DNAJC13: variants seen among roughly 807,000 people sequenced by gnomAD.
DNAJC13 encodes the protein dnaJ homolog subfamily C member 13.
In DNAJC13, 75 loss-of-function variants were observed where a neutral mutation model predicts 290.5. The ratio of observed to expected loss-of-function variants is 0.26; its 90% CI spans 0.21 to 0.31. The LOEUF is 0.31. Ranked by LOEUF, DNAJC13 falls within the 10% of genes least tolerant of loss-of-function variation. The pLI, the probability that DNAJC13 is intolerant of heterozygous loss-of-function variation, is 1.00. For missense variants in DNAJC13, 2,260 were observed against 2,674.5 expected, an observed-to-expected ratio of 0.85 and a Z score of 3.42; for synonymous variants, 862 against 892.0, an observed-to-expected ratio of 0.97 and a Z score of 0.60.
In DNAJC13 at chr3:132,507,339, A is replaced by G. The variant is rs774052007; in HGVS notation, c.5101A>G (p.Thr1701Ala). The G allele has an allele frequency of 3.8e-6, 6 of 1,591,722 alleles. No individual in the cohort carries two copies. The South Asian group carries it at 6.6e-5, about 18-fold the overall frequency. Residue 1701 changes from threonine to alanine, a missense_variant, in exon 43 of 56, where the codon ACT becomes GCT. Physicochemically the swap from Thr to Ala is moderately conservative, Grantham distance 58. Coordinates refer to ENST00000260818, the MANE Select transcript of DNAJC13 (RefSeq NM_015268.4). Reference protein sequence around the residue: ...IFVRVYNEVPTFQLEVPKAFA... With the variant: ...IFVRVYNEVPAFQLEVPKAFA... ...TGTTAGGGTGTATAATGAAGTTCCT[A>G]CTTTCCAACTGGAGGTAAGCTCTCT...
intron 1 of DNAJC13, among the ~76,000 whole-genome samples, chr3:132,421,640 A>G (rs1938962519): frequency 6.6e-6 from 1 of 150,774 alleles, no homozygotes; most frequent in Admixed American, 6.6e-5. Flanking sequence ...GAGTTTCACC[A>G]TGTTGCCCAG....
intron 30 of DNAJC13, 89 bp downstream of exon 30, chr3:132,488,541 C>A: frequency 7.9e-7 from 1 of 1,266,078 alleles, no homozygotes; most frequent in South Asian, 1.8e-5. Context: ...TACCTTATTG[C>A]TTTTATTAAA....
chr3:132,432,295 C>T (rs764010326), intron 1 of DNAJC13, among the ~76,000 whole-genome samples: 6 of 152,066 alleles, frequency 3.9e-5, no homozygotes, highest in South Asian at 2.1e-4. Flanking sequence ...CTCCACCTCC[C>T]GGGTTCAAGA....
chr3:132,443,884 A>G (rs1933153565), intron 2 of DNAJC13, among the ~76,000 whole-genome samples: 2 of 152,214 alleles, frequency 1.3e-5, no homozygotes, highest in Non-Finnish European at 2.9e-5. Flanking sequence ...TGAGGGATCC[A>G]GAATGTGATC....
At chr3:132,506,946 G>A (rs2107726821) in intron 42 of DNAJC13, among the ~76,000 whole-genome samples, 1 of 152,250 alleles carries the variant, frequency 6.6e-6, no homozygotes, top group African/African-American at 2.4e-5. Context: ...AGTTGATTGA[G>A]AAGAATAAAG....
intron 51 of DNAJC13, among the ~76,000 whole-genome samples, chr3:132,525,345 A>G (rs1308409088): frequency 6.6e-6 from 1 of 152,184 alleles, no homozygotes; most frequent in Admixed American, 6.5e-5. Context: ...CGTCTCAAAA[A>G]AAACCTGCAA....
At chr3:132,431,095 G>T (rs1340549662) in intron 1 of DNAJC13, among the ~76,000 whole-genome samples, 1 of 152,146 alleles carries the variant, frequency 6.6e-6, no homozygotes, top group East Asian at 1.9e-4. Flanking sequence ...ACCCTATTTG[G>T]GAGTCCCTGT....
intron 44 of DNAJC13, 112 bp from the exon 45 acceptor site, chr3:132,512,896 C>T: frequency 1.2e-6 from 1 of 859,618 alleles, no homozygotes; most frequent in African/African-American, 1.7e-5. Context: ...ATGTTTAGAA[C>T]CAGTTATCAG....
chr3:132,427,090 TGTGTGTGTGTGTGC>T, intron 1 of DNAJC13, among the ~76,000 whole-genome samples: 1 of 149,410 alleles, frequency 6.7e-6, no homozygotes, highest in Non-Finnish European at 1.5e-5. Flanking sequence ...TGTGTGTGTG[TGTGTGTGTGTGTGC>T]ACGTGTGTGT....
At chr3:132,519,447 A>G (rs1936017245) in intron 48 of DNAJC13, among the ~76,000 whole-genome samples, 1 of 152,052 alleles carries the variant, frequency 6.6e-6, no homozygotes, top group East Asian at 1.9e-4. Context: ...TTTTAAATTG[A>G]GATTATTTAT....
At chr3:132,528,775 T>C (rs1049618148) in intron 54 of DNAJC13, among the ~76,000 whole-genome samples, 1 of 152,194 alleles carries the variant, frequency 6.6e-6, no homozygotes, top group Non-Finnish European at 1.5e-5. Context: ...GGTTTTTTTT[T>C]TTCTTTGGTC....
At chr3:132,433,252 A>T (rs1939287146) in intron 1 of DNAJC13, among the ~76,000 whole-genome samples, 1 of 152,178 alleles carries the variant, frequency 6.6e-6, no homozygotes, top group South Asian at 2.1e-4. Context: ...TATTTTTAGA[A>T]ACAGAATCTC....
At chr3:132,522,149 G>C (rs184763455) in intron 48 of DNAJC13, among the ~76,000 whole-genome samples, 41 of 152,228 alleles carry the variant, frequency 2.7e-4, no homozygotes, top group African/African-American at 9.6e-4. Flanking sequence ...GGGCCTAGAG[G>C]GTTTCCGTAA....
At chr3:132,431,137 T>G (rs2107646330) in intron 1 of DNAJC13, among the ~76,000 whole-genome samples, 1 of 152,356 alleles carries the variant, frequency 6.6e-6, no homozygotes, top group African/African-American at 2.4e-5. Flanking sequence ...GATATCAGAA[T>G]TGCCCATGTA....
chr3:132,526,959 G>C (rs1411712995), intron 53 of DNAJC13, among the ~76,000 whole-genome samples: 2 of 152,176 alleles, frequency 1.3e-5, no homozygotes, highest in Non-Finnish European at 2.9e-5. Context: ...CTGGGGTTGG[G>C]GAGAATGGGA....
chr3:132,471,381 C>A (rs1429351646), intron 20 of DNAJC13, among the ~76,000 whole-genome samples: 29 of 143,978 alleles, frequency 2.0e-4, no homozygotes, highest in African/African-American at 7.0e-4. Flanking sequence ...GGGTGGCTGC[C>A]GGGCGGAGAT....
chr3:132,514,753 A>G, intron 46 of DNAJC13, 83 bp downstream of exon 46: 2 of 933,720 alleles, frequency 2.1e-6, no homozygotes, highest in Non-Finnish European at 3.4e-6. Flanking sequence ...ACAAAACCTC[A>G]AACAAATGTC....
chr3:132,467,480 T>G, intron 20 of DNAJC13, 167 bp downstream of exon 20: 1 of 624,494 alleles, frequency 1.6e-6, no homozygotes, highest in Non-Finnish European at 2.5e-6. Flanking sequence ...TATTTATTTA[T>G]TTTGAGACAG....
rs530366254 is a variant in DNAJC13 at position 132,538,449 on chromosome 3, A to G, written c.*167A>G. On this transcript the variant is annotated 3_prime_UTR_variant, in exon 56 of 56. Transcript: ENST00000260818. Reference sequence around the variant, plus strand: ...AAAAAAAGTCAGTGATCCTAATTGTATCACATTATAAGAAAGCACTCTGTG... The same window carrying G: ...AAAAAAAGTCAGTGATCCTAATTGTGTCACATTATAAGAAAGCACTCTGTG... The G allele has an allele frequency of 1.4e-5, 8 of 564,824 alleles. No homozygotes were observed. The highest frequency in any genetic ancestry group is 2.4e-5 in the Non-Finnish European group (8 of 329,400). 35.0% of individuals were successfully genotyped at this position (564,824 alleles called of 1,614,324 possible). A position where few individuals can be genotyped will look rare whatever the true frequency, so the allele number is the denominator to read the frequency against.
Sources: allele counts gnomAD v4.1 joint callset (sites outside exome capture counted in the v4.1 genomes callset), GRCh38; gene constraint gnomAD v4.1.1; transcripts MANE v1.5; gene names NCBI Gene and HGNC (gene_info 2026-07-23, HGNC 2026-07-21).